MAGI3: variants seen among roughly 807,000 people sequenced by gnomAD.
MAGI3 encodes membrane-associated guanylate kinase, WW and PDZ domain-containing protein 3.
MAGI3 carries 43 observed loss-of-function variants against 121.8 expected under a neutral mutation model. The observed-to-expected ratio is 0.35, with a 90% CI of 0.28 to 0.46. The LOEUF is 0.46. Among genes scored for constraint, MAGI3 ranks in the 20% least tolerant of loss-of-function variants. The pLI is 1.00. For missense variants in MAGI3, 1,547 were observed against 1,797.3 expected (o/e 0.86, Z 2.52); for synonymous variants, 553 against 639.3 (o/e 0.86, Z 2.04).
chr1:113,627,301 T>A (rs1206929270), intron 9 of MAGI3, among the ~76,000 whole-genome samples: 1 of 151,984 alleles, frequency 6.6e-6, no homozygotes, highest in Non-Finnish European at 1.5e-5. Context: ...AGATACTTGA[T>A]ATAATTTTAA....
chr1:113,504,963 T>G (rs900377034), intron 1 of MAGI3, among the ~76,000 whole-genome samples: 3 of 152,144 alleles, frequency 2.0e-5, no homozygotes, highest in African/African-American at 7.2e-5. Context: ...ATCCAATTCT[T>G]TTGTAGAACA....
chr1:113,520,453 A>G (rs906977007), intron 1 of MAGI3, among the ~76,000 whole-genome samples: 1 of 152,172 alleles, frequency 6.6e-6, no homozygotes, highest in Non-Finnish European at 1.5e-5. Context: ...TATAAGGAAC[A>G]TTATTTTGTC....
chr1:113,647,468 G>A (rs1652915253), intron 12 of MAGI3, among the ~76,000 whole-genome samples: 1 of 152,184 alleles, frequency 6.6e-6, no homozygotes, highest in Admixed American at 6.5e-5. Flanking sequence ...AAACTAAAGA[G>A]TTGACTCCTT....
intron 4 of MAGI3, among the ~76,000 whole-genome samples, chr1:113,586,306 T>TA (rs1394850818): frequency 6.6e-6 from 1 of 152,200 alleles, no homozygotes; most frequent in African/African-American, 2.4e-5. Context: ...TTCCTTTTTT[T>TA]ATGTACTGTT....
At chr1:113,558,472 T>C (rs1660088544) in intron 2 of MAGI3, among the ~76,000 whole-genome samples, 1 of 151,908 alleles carries the variant, frequency 6.6e-6, no homozygotes, top group Admixed American at 6.6e-5. Context: ...GCTGGAAGAC[T>C]GGCTTTCTGA....
chr1:113,437,922 C>CCTTCTCCTTCTCCTTCTCCTT lies in MAGI3; in HGVS notation c.316+46575_316+46576insTCTCCTTCTCCTTCTCCTTCT, dbSNP rs140479665. Among the ~76,000 whole-genome samples, 86 of 10,708 alleles carry CCTTCTCCTTCTCCTTCTCCTT rather than the reference C, an allele frequency of 8.0e-3. 23 individuals carry two copies. The highest frequency in any genetic ancestry group is 0.037 in the East Asian group (5 of 136). The allele number at this position is 10,708 out of a possible 152,430, so 7.0% of individuals were successfully genotyped here. A position where few individuals can be genotyped will look rare whatever the true frequency, so the allele number is the denominator to read the frequency against. ...TCCTTCTCCTTCTCCTTCTCCTTCT[C>CCTTCTCCTTCTCCTTCTCCTT]CTCCTTCTCCTTCTCCTTCTCCTTC... On this transcript the variant is annotated intron_variant, in intron 1 of 20. Transcript: ENST00000307546.
At chr1:113,570,664 ATGTT>A (rs546754774) in intron 2 of MAGI3, among the ~76,000 whole-genome samples, 13 of 151,896 alleles carry the variant, frequency 8.6e-5, no homozygotes, top group Admixed American at 1.3e-4. Context: ...TTTTTTTCAT[ATGTT>A]TGTTGGCCAC....
chr1:113,553,915 A>G (rs1164907226), intron 2 of MAGI3, among the ~76,000 whole-genome samples: 1 of 152,232 alleles, frequency 6.6e-6, no homozygotes, highest in Admixed American at 6.5e-5. Flanking sequence ...AGGCTGAGGC[A>G]GGAGAATTGC....
intron 9 of MAGI3, among the ~76,000 whole-genome samples, chr1:113,634,117 T>G (rs1488919799): frequency 5.9e-5 from 9 of 152,180 alleles, no homozygotes; most frequent in African/African-American, 2.2e-4. Flanking sequence ...TTTGAGTTCA[T>G]TGTAGATTCT....
At chr1:113,573,787 T>C (rs1647452292) in intron 2 of MAGI3, among the ~76,000 whole-genome samples, 1 of 152,184 alleles carries the variant, frequency 6.6e-6, no homozygotes, top group African/African-American at 2.4e-5. Context: ...ATATTGACAG[T>C]GGGGTGTTAT....
intron 2 of MAGI3, among the ~76,000 whole-genome samples, chr1:113,573,183 C>A (rs1647417326): frequency 1.3e-5 from 2 of 152,212 alleles, no homozygotes; most frequent in South Asian, 4.1e-4. Flanking sequence ...CCTCAGCCTC[C>A]CAAAGTGCTG....
At chr1:113,560,265 C>T (rs1043836507) in intron 2 of MAGI3, among the ~76,000 whole-genome samples, 4 of 152,046 alleles carry the variant, frequency 2.6e-5, no homozygotes, top group African/African-American at 7.2e-5. Context: ...GTAGTCCTAG[C>T]TACTCGGGGC....
intron 2 of MAGI3, among the ~76,000 whole-genome samples, chr1:113,565,273 A>G (rs1212291483): frequency 6.6e-6 from 1 of 152,216 alleles, no homozygotes; most frequent in Non-Finnish European, 1.5e-5. Flanking sequence ...TCAAATTATT[A>G]AGAATGTATC....
At chr1:113,581,071 AAAC>A (rs979743848) in intron 3 of MAGI3, 2 of 152,326 alleles carry the variant, frequency 1.3e-5, no homozygotes, top group African/African-American at 4.8e-5. Context: ...TTTGGGGAGA[AAAC>A]AACAAAAACA....
chr1:113,455,621 T>C (rs1408450455), intron 1 of MAGI3, among the ~76,000 whole-genome samples: 3 of 152,114 alleles, frequency 2.0e-5, no homozygotes, highest in Non-Finnish European at 4.4e-5. Flanking sequence ...TTGTTTTGTG[T>C]GTTTTGAACA....
chr1:113,672,881 A>G (rs1647645406), intron 18 of MAGI3, 140 bp downstream of exon 18: 1 of 1,145,516 alleles, frequency 8.7e-7, no homozygotes, highest in South Asian at 1.6e-5. Context: ...TGTGTTTGGC[A>G]TTCTGCTGGC....
chr1:113,531,036 G>T (rs1336060110), intron 1 of MAGI3, among the ~76,000 whole-genome samples: 1 of 152,164 alleles, frequency 6.6e-6, no homozygotes, highest in African/African-American at 2.4e-5. Context: ...GACATAAACT[G>T]TACTCAAAGG....
chr1:113,401,096 ATAT>A (rs1304203079), intron 1 of MAGI3, among the ~76,000 whole-genome samples: 5 of 152,272 alleles, frequency 3.3e-5, no homozygotes, highest in African/African-American at 1.2e-4. Context: ...TATGAGTCAG[ATAT>A]TATCATCTTC....
chr1:113,614,453 G>A (rs1650336535), intron 6 of MAGI3, 148 bp from the exon 7 acceptor site: 1 of 656,998 alleles, frequency 1.5e-6, no homozygotes, highest in South Asian at 1.8e-5. Context: ...AAGCCACTCA[G>A]ACTTAAATTG....
Sources: gnomAD v4.1 joint callset for allele counts (sites outside exome capture counted in the v4.1 genomes callset) on GRCh38, gnomAD v4.1.1 for gene constraint, MANE v1.5 for transcripts, NCBI Gene and HGNC (gene_info 2026-07-23, HGNC 2026-07-21) for gene names.